The following GALNTL6 variants were observed in gnomAD, a reference collection of about 807,000 sequenced individuals.
The protein encoded by GALNTL6 is polypeptide N-acetylgalactosaminyltransferase-like 6.
In GALNTL6, 46 loss-of-function variants were observed where a neutral mutation model predicts 73.7. The observed-to-expected ratio is 0.62, with a 90% CI of 0.49 to 0.80. The LOEUF (loss-of-function observed/expected upper bound fraction) is 0.80. GALNTL6 is among the 30% of genes least tolerant of loss of function. The pLI, the probability that GALNTL6 is intolerant of heterozygous loss-of-function variation, is 0.00. For missense variants in GALNTL6, 604 were observed against 755.0 expected, an observed-to-expected ratio of 0.80 and a Z score of 2.34; for synonymous variants, 259 against 263.7, an observed-to-expected ratio of 0.98 and a Z score of 0.17.
intron 5 of GALNTL6, among the ~76,000 whole-genome samples, chr4:172,619,815 C>G (rs1167276598): frequency 6.6e-6 from 1 of 152,106 alleles, no homozygotes; most frequent in Admixed American, 6.6e-5. Flanking sequence ...TAAGAATAGC[C>G]ACATGAGTTT....
At chr4:172,783,567 G>A (rs933159666) in intron 5 of GALNTL6, among the ~76,000 whole-genome samples, 2 of 150,504 alleles carry the variant, frequency 1.3e-5, no homozygotes, top group African/African-American at 4.9e-5. Flanking sequence ...TATTGCTGCT[G>A]TAACAAGTTC....
chr4:172,731,120 T>TCAACAGG (rs1394311567), intron 5 of GALNTL6, among the ~76,000 whole-genome samples: 5 of 151,860 alleles, frequency 3.3e-5, no homozygotes, highest in Non-Finnish European at 5.9e-5. Flanking sequence ...TGAGTAGGAT[T>TCAACAGG]GATATTAGTT....
At chr4:172,362,489 A>G (rs1441232700) in intron 5 of GALNTL6, among the ~76,000 whole-genome samples, 1 of 151,886 alleles carries the variant, frequency 6.6e-6, no homozygotes, top group Non-Finnish European at 1.5e-5. Flanking sequence ...CGTTTCCTCT[A>G]TGGGCTTTTC....
chr4:172,486,244 CA>C (rs1733662121), intron 5 of GALNTL6, among the ~76,000 whole-genome samples: 1 of 152,114 alleles, frequency 6.6e-6, no homozygotes, highest in Non-Finnish European at 1.5e-5. Context: ...CACATTTCTG[CA>C]GATCAGTGTG....
At chr4:172,380,104 C>G (rs1291346786) in intron 5 of GALNTL6, 1 of 983,792 alleles carries the variant, frequency 1.0e-6, no homozygotes, top group Non-Finnish European at 1.6e-6. Flanking sequence ...GGTGTTTCCA[C>G]TGCTCCTCTG....
intron 5 of GALNTL6, among the ~76,000 whole-genome samples, chr4:172,577,547 T>G (rs1010061539): frequency 6.6e-6 from 1 of 152,204 alleles, no homozygotes; most frequent in Non-Finnish European, 1.5e-5. Context: ...TGCCTTCCTC[T>G]CATTTTCCAC....
intron 2 of GALNTL6, among the ~76,000 whole-genome samples, chr4:172,185,934 A>G (rs950906343): frequency 6.6e-6 from 1 of 152,204 alleles, no homozygotes; most frequent in East Asian, 1.9e-4. Flanking sequence ...CAAAAATTGC[A>G]ATTTCTCAGA....
intron 7 of GALNTL6, among the ~76,000 whole-genome samples, chr4:172,861,385 G>T (rs1199094692): frequency 6.7e-6 from 1 of 150,018 alleles, no homozygotes; most frequent in Non-Finnish European, 1.5e-5. Flanking sequence ...CCATTTCAAA[G>T]CATCTACCCT....
intron 7 of GALNTL6, among the ~76,000 whole-genome samples, chr4:172,854,885 C>A (rs1744042254): frequency 6.6e-6 from 1 of 152,008 alleles, no homozygotes; most frequent in South Asian, 2.1e-4. Flanking sequence ...TTTCAGAATA[C>A]CAGGACAGAT....
intron 12 of GALNTL6, among the ~76,000 whole-genome samples, chr4:173,033,900 A>G (rs532021715): frequency 6.6e-6 from 1 of 152,320 alleles, no homozygotes; most frequent in East Asian, 1.9e-4. Flanking sequence ...TCCCAACTTG[A>G]CACAGAGGAG....
At chr4:172,760,129 C>G (rs1737994289) in intron 5 of GALNTL6, among the ~76,000 whole-genome samples, 1 of 151,706 alleles carries the variant, frequency 6.6e-6, no homozygotes, top group African/African-American at 2.4e-5. Context: ...AGCCACCGCG[C>G]CCGGCCACCA....
chr4:172,448,586 A>G (rs903559389), intron 5 of GALNTL6, among the ~76,000 whole-genome samples: 2 of 152,204 alleles, frequency 1.3e-5, no homozygotes, highest in African/African-American at 4.8e-5. Flanking sequence ...CAACATCCAC[A>G]CAGTCTACTG....
chr4:172,604,245 G>A (rs1182982161), intron 5 of GALNTL6, among the ~76,000 whole-genome samples: 4 of 152,188 alleles, frequency 2.6e-5, no homozygotes, highest in South Asian at 2.1e-4. Flanking sequence ...CAGACTAGCT[G>A]TAAGTTGCTT....
intron 2 of GALNTL6, among the ~76,000 whole-genome samples, chr4:172,218,568 G>T (rs1736570515): frequency 1.3e-5 from 2 of 152,024 alleles, no homozygotes; most frequent in African/African-American, 4.8e-5. Context: ...GGACTCTCTA[G>T]ATTTTCATAT....
intron 7 of GALNTL6, among the ~76,000 whole-genome samples, chr4:172,817,823 A>G (rs115219774): frequency 0.021 from 3,153 of 152,312 alleles, 61 homozygotes; most frequent in Middle Eastern, 0.031. Context: ...ACCTCAAAAG[A>G]TAGTCGTTTC....
chr4:171,988,432 A>G (rs1034419393), intron 2 of GALNTL6, among the ~76,000 whole-genome samples: 12 of 152,262 alleles, frequency 7.9e-5, no homozygotes, highest in Admixed American at 3.3e-4. Flanking sequence ...TGCTGAGCCT[A>G]ATGGGTGTCA....
chr4:171,841,618 A>T (rs1735241033), intron 2 of GALNTL6, among the ~76,000 whole-genome samples: 1 of 152,116 alleles, frequency 6.6e-6, no homozygotes. Flanking sequence ...TACTAATGAA[A>T]CTAGCTATTC....
At chr4:172,772,708 C>T (rs749728767) in intron 5 of GALNTL6, among the ~76,000 whole-genome samples, 4 of 137,980 alleles carry the variant, frequency 2.9e-5, no homozygotes, top group Non-Finnish European at 6.4e-5. Flanking sequence ...TTACACTTTC[C>T]ATGGTAGGCT....
intron 8 of GALNTL6, among the ~76,000 whole-genome samples, chr4:172,918,905 G>T (rs1165575411): frequency 6.6e-6 from 1 of 152,088 alleles, no homozygotes; most frequent in Non-Finnish European, 1.5e-5. Context: ...GAAATAATTT[G>T]CAAACACCAT....
Sources: gnomAD v4.1 joint callset for allele counts (sites outside exome capture counted in the v4.1 genomes callset) on GRCh38, gnomAD v4.1.1 for gene constraint, MANE v1.5 for transcripts, NCBI Gene and HGNC (gene_info 2026-07-23, HGNC 2026-07-21) for gene names.